The following MAGI2 variants were observed in gnomAD, a reference collection of about 807,000 sequenced individuals.
MAGI2 encodes membrane associated guanylate kinase, WW and PDZ domain containing 2, also known as membrane-associated guanylate kinase, WW and PDZ domain-containing protein 2.
In MAGI2, 35 loss-of-function variants were observed where a neutral mutation model predicts 133.3. The ratio of observed to expected loss-of-function variants is 0.26; its 90% CI spans 0.20 to 0.35. The LOEUF (loss-of-function observed/expected upper bound fraction) is 0.35, where lower values mean the gene tolerates loss of function less well. Ranked by LOEUF, MAGI2 falls within the 10% of genes least tolerant of loss-of-function variation. MAGI2 has a pLI of 1.00. For synonymous variants in MAGI2, 729 were observed against 710.6 expected, an observed-to-expected ratio of 1.03 and a Z score of -0.41; for missense variants, 1,636 against 1,863.4, an observed-to-expected ratio of 0.88 and a Z score of 2.25.
chr7:79,047,297 A>G (rs902902493), intron 1 of MAGI2, among the ~76,000 whole-genome samples: 6 of 152,158 alleles, frequency 3.9e-5, no homozygotes, highest in Admixed American at 3.3e-4. Context: ...GTTAAGGCAC[A>G]ATGTGTATAA....
chr7:79,415,211 TTAGA>T (rs1846417111), intron 1 of MAGI2: 1 of 152,166 alleles, frequency 6.6e-6, no homozygotes. Context: ...GAGTTTCTAG[TTAGA>T]TAGTTTCTGA....
intron 21 of MAGI2, among the ~76,000 whole-genome samples, chr7:78,040,448 C>T (rs1467168815): frequency 6.6e-6 from 1 of 152,198 alleles, no homozygotes; most frequent in Non-Finnish European, 1.5e-5. Flanking sequence ...CTACCCTGCC[C>T]GGCTCAGCCC....
At chr7:78,036,643 G>A (rs1331889460) in intron 21 of MAGI2, among the ~76,000 whole-genome samples, 1 of 151,690 alleles carries the variant, frequency 6.6e-6, no homozygotes, top group East Asian at 1.9e-4. Flanking sequence ...TTTTAAGACA[G>A]GGTCTTGCTC....
At chr7:79,296,959 G>C (rs1318239343) in intron 1 of MAGI2, among the ~76,000 whole-genome samples, 2 of 152,070 alleles carry the variant, frequency 1.3e-5, no homozygotes, top group African/African-American at 4.8e-5. Flanking sequence ...ACATTATACA[G>C]TGTAATACAT....
At chr7:79,262,473 A>G (rs945280920) in intron 1 of MAGI2, among the ~76,000 whole-genome samples, 4 of 152,242 alleles carry the variant, frequency 2.6e-5, no homozygotes, top group African/African-American at 9.6e-5. Context: ...CATTGAGTAC[A>G]CATGGAAAGC....
chr7:79,214,435 A>G (rs1829821215), intron 1 of MAGI2, among the ~76,000 whole-genome samples: 1 of 128,068 alleles, frequency 7.8e-6, no homozygotes, highest in South Asian at 2.5e-4. Context: ...ATATATATAT[A>G]TATATATAAA....
chr7:78,353,849 G>A (rs953652573), intron 7 of MAGI2, among the ~76,000 whole-genome samples: 2 of 152,164 alleles, frequency 1.3e-5, no homozygotes, highest in Non-Finnish European at 2.9e-5. Context: ...TAGGGGAGCG[G>A]ATGGAAGCTA....
At chr7:78,658,436 C>A (rs563620574) in intron 2 of MAGI2, among the ~76,000 whole-genome samples, 9 of 151,994 alleles carry the variant, frequency 5.9e-5, no homozygotes, top group Non-Finnish European at 1.3e-4. Context: ...GACTTGACAC[C>A]AAAAGCACAA....
At chr7:78,562,818 C>G (rs1471297526) in intron 3 of MAGI2, among the ~76,000 whole-genome samples, 2 of 152,190 alleles carry the variant, frequency 1.3e-5, no homozygotes, top group Non-Finnish European at 1.5e-5. Flanking sequence ...CTAACTGCAT[C>G]TCCCTAGAAG....
intron 2 of MAGI2, among the ~76,000 whole-genome samples, chr7:78,765,328 A>C (rs1824905190): frequency 7.4e-6 from 1 of 135,582 alleles, no homozygotes; most frequent in South Asian, 2.4e-4. Context: ...CATTTAACAA[A>C]TGTTTAGTGC....
chr7:78,997,265 G>A (rs1806397961), intron 2 of MAGI2, among the ~76,000 whole-genome samples: 1 of 152,130 alleles, frequency 6.6e-6, no homozygotes, highest in South Asian at 2.1e-4. Flanking sequence ...GAGAAACTGG[G>A]AAACTGAGAA....
intron 1 of MAGI2, among the ~76,000 whole-genome samples, chr7:79,381,320 T>C (rs1843762452): frequency 1.3e-5 from 2 of 151,898 alleles, no homozygotes; most frequent in Admixed American, 1.3e-4. Context: ...TATAATATTC[T>C]CTTTTATTAT....
intron 1 of MAGI2, among the ~76,000 whole-genome samples, chr7:79,095,104 T>A (rs1259067509): frequency 6.6e-6 from 1 of 152,208 alleles, no homozygotes; most frequent in Non-Finnish European, 1.5e-5. Flanking sequence ...ACATTAAAAA[T>A]CTGTTGTTTG....
chr7:78,675,097 A>G (rs1386782767), intron 2 of MAGI2, among the ~76,000 whole-genome samples: 1 of 152,156 alleles, frequency 6.6e-6, no homozygotes, highest in South Asian at 2.1e-4. Context: ...AATGTGATAT[A>G]GTAGTTACAT....
intron 7 of MAGI2, among the ~76,000 whole-genome samples, chr7:78,362,331 G>C (rs900244408): frequency 6.6e-6 from 1 of 152,148 alleles, no homozygotes; most frequent in African/African-American, 2.4e-5. Flanking sequence ...AAGTAAGTTT[G>C]AGGGACTCTG....
chr7:78,784,203 G>GT (rs36109639), intron 2 of MAGI2, among the ~76,000 whole-genome samples: 62,812 of 147,116 alleles, frequency 0.43, 13,357 homozygotes, highest in Non-Finnish European at 0.47. Context: ...AATGTTTTAG[G>GT]TTTTTTTTTT....
At chr7:79,415,190 A>G (rs1354460737) in intron 1 of MAGI2, 1 of 152,186 alleles carries the variant, frequency 6.6e-6, no homozygotes, top group Non-Finnish European at 1.5e-5. Flanking sequence ...GAGATGTGAA[A>G]AAATGGTAGT....
intron 1 of MAGI2, among the ~76,000 whole-genome samples, chr7:79,265,095 T>C (rs1201028887): frequency 3.9e-5 from 6 of 152,076 alleles, no homozygotes; most frequent in African/African-American, 1.2e-4. Context: ...ACCATAGCAA[T>C]TATTTACCTG....
intron 9 of MAGI2, among the ~76,000 whole-genome samples, chr7:78,340,533 T>C (rs1396242723): frequency 6.6e-6 from 1 of 152,192 alleles, no homozygotes; most frequent in Non-Finnish European, 1.5e-5. Context: ...ATATCCTTGA[T>C]GAACATCGAT....
Sources: allele counts gnomAD v4.1 joint callset (sites outside exome capture counted in the v4.1 genomes callset), GRCh38; gene constraint gnomAD v4.1.1; transcripts MANE v1.5; gene names NCBI Gene and HGNC (gene_info 2026-07-23, HGNC 2026-07-21).